The following FBXO45 variants were observed in gnomAD, a reference collection of about 807,000 sequenced individuals.
FBXO45 encodes the protein F-box/SPRY domain-containing protein 1.
A neutral mutation model predicts 25.5 loss-of-function variants in FBXO45; 3 were observed. The ratio of observed to expected loss-of-function variants is 0.12; its 90% CI spans 0.05 to 0.30. The LOEUF is 0.30. FBXO45 is among the 10% of genes least tolerant of loss of function. FBXO45 has a pLI of 1.00. For synonymous variants in FBXO45, 155 were observed against 149.8 expected (o/e 1.03, Z -0.25); for missense variants, 219 against 365.0 (o/e 0.60, Z 3.26).
intron 2 of FBXO45, among the ~76,000 whole-genome samples, chr3:196,582,964 C>T (rs1029949395): frequency 6.6e-6 from 1 of 152,194 alleles, no homozygotes; most frequent in Admixed American, 6.5e-5. Flanking sequence ...ACACCTCTCT[C>T]TATACCCAAA....
chr3:196,580,013 C>T (rs1374155538), intron 2 of FBXO45, among the ~76,000 whole-genome samples: 1 of 151,278 alleles, frequency 6.6e-6, no homozygotes, highest in Non-Finnish European at 1.5e-5. Flanking sequence ...TTTTTTGAGA[C>T]GGAGTTTTAC....
At chr3:196,571,431 G>A (rs1430810112) in intron 1 of FBXO45, among the ~76,000 whole-genome samples, 2 of 152,120 alleles carry the variant, frequency 1.3e-5, no homozygotes, top group Middle Eastern at 3.4e-3. Flanking sequence ...TCACCTTGTT[G>A]CCTAAGCTGG....
chr3:196,570,527 G>A (rs924104490), intron 1 of FBXO45, among the ~76,000 whole-genome samples: 1 of 152,044 alleles, frequency 6.6e-6, no homozygotes, highest in Non-Finnish European at 1.5e-5. Context: ...GTGAGCCACC[G>A]CGCGATAACA....
At chr3:196,575,376 T>G (rs1735895700) in intron 1 of FBXO45, among the ~76,000 whole-genome samples, 1 of 150,130 alleles carries the variant, frequency 6.7e-6, no homozygotes, top group South Asian at 2.1e-4. Context: ...GAGAATCGCT[T>G]GAACCCAGGA....
At position 196,588,634 on chromosome 3, in the gene FBXO45, T is replaced by C. The variant is rs1261493159; in HGVS notation, c.*4316T>C. On this transcript the variant is annotated 3_prime_UTR_variant, in exon 3 of 3. Transcript: ENST00000311630. The surrounding 1 kb of genome is among the most constrained non-coding windows in gnomAD (Gnocchi z 4.2). Reference sequence around the variant, plus strand: ...TACCTTGTTTAAAATTATTTATTGATTATTTATTGGTGTCATATCGCCCCT... The same window carrying C: ...TACCTTGTTTAAAATTATTTATTGACTATTTATTGGTGTCATATCGCCCCT... 6.6e-6 allele frequency: 1 copy of C among 152,146 alleles called. No individual in the cohort carries two copies. The highest frequency in any genetic ancestry group is 1.5e-5 in the Non-Finnish European group (1 of 67,982). 9.4% of individuals were successfully genotyped at this position (152,146 alleles called of 1,614,324 possible).
At chr3:196,570,313 C>T (rs1373604094) in intron 1 of FBXO45, among the ~76,000 whole-genome samples, 3 of 151,486 alleles carry the variant, frequency 2.0e-5, no homozygotes, top group Non-Finnish European at 4.4e-5. Flanking sequence ...TCTCGGCTCA[C>T]CGCAACCTCC....
At position 196,568,998 on chromosome 3, in the gene FBXO45, C is replaced by T. The variant is rs1735712762; in HGVS notation, c.14C>T (p.Ala5Val). MAAP[A>V]PGAGAASGGA... ...GCTGGTGAGGCGATGGCGGCGCCGGCCCCGGGGGCTGGGGCAGCCTCGGGC... is the reference window on the plus strand; with the variant it reads ...GCTGGTGAGGCGATGGCGGCGCCGGTCCCGGGGGCTGGGGCAGCCTCGGGC... Residue 5 changes from alanine to valine, a missense_variant, in exon 1 of 3, where the codon GCC (alanine) becomes GTC (valine). By Grantham distance (64) the Ala-to-Val change is moderately conservative. Transcript: ENST00000311630. The T allele has an allele frequency of 6.0e-6, 6 of 993,018 alleles. No homozygotes were observed. The highest frequency in any genetic ancestry group is 7.2e-6 in the Non-Finnish European group (6 of 835,918). The allele number at this position is 993,018 out of a possible 1,614,324, so 61.5% of individuals were successfully genotyped here. A position where few individuals can be genotyped will look rare whatever the true frequency, so the allele number is the denominator to read the frequency against.
In FBXO45 at chr3:196,569,564, A is replaced by G. The variant is rs901360855; in HGVS notation, c.318+262A>G. Among the ~76,000 whole-genome samples the G allele has an allele frequency of 6.6e-5, 10 of 152,160 alleles. No individual in the cohort carries two copies. The highest frequency in any genetic ancestry group is 2.2e-4 in the African/African-American group (9 of 41,430). Reference sequence around the variant, plus strand: ...TTGCCTCACTCATTCAACTTTTGACAGTTTTCCCCGTTAAAGACAGACCAC... The same window carrying G: ...TTGCCTCACTCATTCAACTTTTGACGGTTTTCCCCGTTAAAGACAGACCAC... On this transcript the variant is annotated intron_variant, in intron 1 of 2. Coordinates refer to ENST00000311630, the MANE Select transcript of FBXO45 (RefSeq NM_001105573.2). This position sits in a 1 kb window ranked among gnomAD's most constrained non-coding sequence, Gnocchi z 4.1.
intron 2 of FBXO45, among the ~76,000 whole-genome samples, chr3:196,578,591 G>A (rs1735956930): frequency 6.6e-6 from 1 of 151,738 alleles, no homozygotes; most frequent in Non-Finnish European, 1.5e-5. Context: ...AGCAGTCATC[G>A]ATAATACGTA....
chr3:196,570,014 T>G (rs1036045466), intron 1 of FBXO45, among the ~76,000 whole-genome samples: 1 of 152,232 alleles, frequency 6.6e-6, no homozygotes, highest in Non-Finnish European at 1.5e-5. Context: ...GATTACAGTT[T>G]CGCTGCATCC....
chr3:196,587,929 T>C lies in FBXO45; in HGVS notation c.*3611T>C, dbSNP rs991607675. The C allele has an allele frequency of 6.6e-6, 1 of 152,006 alleles. No homozygotes were observed. Among genetic ancestry groups the C allele is most frequent in the Non-Finnish European group, 1.5e-5 (1 of 68,036 alleles). 9.4% of individuals were successfully genotyped at this position (152,006 alleles called of 1,614,324 possible). Reference sequence around the variant, plus strand: ...AGTAGCATGTGCCACCACACCTGGCTAATTTTTTTCTTTTTTCTTTTAGAC... The same window carrying C: ...AGTAGCATGTGCCACCACACCTGGCCAATTTTTTTCTTTTTTCTTTTAGAC... On this transcript the variant is annotated 3_prime_UTR_variant, in exon 3 of 3. Transcript: ENST00000311630.
At chr3:196,574,454 G>A (rs562217271) in intron 1 of FBXO45, among the ~76,000 whole-genome samples, 1 of 152,216 alleles carries the variant, frequency 6.6e-6, no homozygotes, top group East Asian at 1.9e-4. Context: ...CCATGGCAAA[G>A]GTTGATATGT....
intron 2 of FBXO45, among the ~76,000 whole-genome samples, chr3:196,580,792 G>C (rs1180956658): frequency 6.7e-6 from 1 of 149,120 alleles, no homozygotes; most frequent in Non-Finnish European, 1.5e-5. Flanking sequence ...TTTTTTTTGA[G>C]ATAGGGTCTC....
intron 2 of FBXO45, among the ~76,000 whole-genome samples, chr3:196,582,270 G>A (rs1736023437): frequency 6.6e-6 from 1 of 152,114 alleles, no homozygotes; most frequent in Non-Finnish European, 1.5e-5. Context: ...ATTAGTGTGA[G>A]GATTAAATGG....
At chr3:196,570,705 CTTT>C (rs869061245) in intron 1 of FBXO45, among the ~76,000 whole-genome samples, 9 of 136,322 alleles carry the variant, frequency 6.6e-5, no homozygotes, top group Admixed American at 4.8e-4. Flanking sequence ...TTTCTCTTTT[CTTT>C]TTTCTTTTTT....
At chr3:196,571,511 C>T (rs1735826317) in intron 1 of FBXO45, among the ~76,000 whole-genome samples, 3 of 152,188 alleles carry the variant, frequency 2.0e-5, no homozygotes, top group Admixed American at 2.0e-4. Flanking sequence ...CAGGCATTAG[C>T]CACTGCACCC....
In FBXO45 at chr3:196,569,684, G is replaced by GCTTAGTTT. The variant is rs1181116828; in HGVS notation, c.318+385_318+392dup. 6.6e-6 allele frequency among the ~76,000 whole-genome samples: 1 copy of GCTTAGTTT among 152,114 alleles called. No individual in the cohort carries two copies. Among genetic ancestry groups the GCTTAGTTT allele is most frequent in the African/African-American group, 2.4e-5 (1 of 41,426 alleles). On this transcript the variant is annotated intron_variant, in intron 1 of 2. Coordinates refer to ENST00000311630, the MANE Select transcript of FBXO45 (RefSeq NM_001105573.2). This position sits in a 1 kb window ranked among gnomAD's most constrained non-coding sequence, Gnocchi z 4.1. ...AATAATCCCGGCCACCTTAACATGGGCTTAGTTTCTAAGTTTCTAAGTTTC... is the reference window on the plus strand; with the variant it reads ...AATAATCCCGGCCACCTTAACATGGGCTTAGTTTCTTAGTTTCTAAGTTTCTAAGTTTC...
chr3:196,570,727 T>G (rs78319710), intron 1 of FBXO45, among the ~76,000 whole-genome samples: 3,907 of 141,524 alleles, frequency 0.028, 114 homozygotes, highest in African/African-American at 0.082. Flanking sequence ...TTTTTTTTTT[T>G]TTGAGACGGA....
chr3:196,584,336 T>A lies in FBXO45; in HGVS notation c.*18T>A. ...ACGGATGACAGTGGCTTTCTTGTGATGACAGACAGAATGGAGGAGAGATCT... is the reference window on the plus strand; with the variant it reads ...ACGGATGACAGTGGCTTTCTTGTGAAGACAGACAGAATGGAGGAGAGATCT... On this transcript the variant is annotated 3_prime_UTR_variant, in exon 3 of 3. Coordinates refer to ENST00000311630, the MANE Select transcript of FBXO45 (RefSeq NM_001105573.2). The surrounding 1 kb of genome is among the most constrained non-coding windows in gnomAD (Gnocchi z 4.3). 3 of 1,590,612 alleles carry A rather than the reference T, an allele frequency of 1.9e-6. 1 individual carries two copies. The highest frequency in any genetic ancestry group is 2.6e-6 in the Non-Finnish European group (3 of 1,171,092).
Sources: allele counts gnomAD v4.1 joint callset (sites outside exome capture counted in the v4.1 genomes callset), GRCh38; gene constraint gnomAD v4.1.1; non-coding constraint Gnocchi (gnomAD v3.1); transcripts MANE v1.5; gene names NCBI Gene and HGNC (gene_info 2026-07-23, HGNC 2026-07-21).